MIB2: variants seen among roughly 807,000 people sequenced by gnomAD.
MIB2 encodes the protein E3 ubiquitin-protein ligase MIB2.
In MIB2, 78 loss-of-function variants were observed where a neutral mutation model predicts 96.6. The ratio of observed to expected loss-of-function variants is 0.81; its 90% CI spans 0.67 to 0.97. The LOEUF (loss-of-function observed/expected upper bound fraction) is 0.97. MIB2 is among the 50% of genes least tolerant of loss of function. MIB2 has a pLI of 0.00. For missense variants in MIB2, 1,543 were observed against 1,424.0 expected, an observed-to-expected ratio of 1.08 and a Z score of -1.35; for synonymous variants, 820 against 629.5, an observed-to-expected ratio of 1.30 and a Z score of -4.53.
chr1:1,629,154 G>C lies in MIB2; in HGVS notation c.2224G>C (p.Gly742Arg). 2.7e-6 allele frequency: 4 copies of C among 1,499,332 alleles called. No individual in the cohort carries two copies. Among genetic ancestry groups the C allele is most frequent in the African/African-American group, 1.5e-5 (1 of 68,752 alleles). 92.9% of individuals were successfully genotyped at this position (1,499,332 alleles called of 1,614,324 possible). ...CCAGCTACAGGCCTCGGGCCTCCCC[G>C]GCAGCGCGGAGCTGACGGTGGGCGC... ...LSRLQASGLP[G>R]SAELTVGAAV... The change falls in exon 17 of 20, where the codon GGC becomes CGC. Residue 742 changes from glycine (G) to arginine (R), a missense_variant. Coordinates refer to ENST00000355826, the MANE Select transcript of MIB2 (RefSeq NM_001170687.4).
chr1:1,615,605 C>A lies in MIB2; in HGVS notation c.-158C>A. 1.3e-6 allele frequency: 2 copies of A among 1,567,770 alleles called. No homozygotes were observed. Among genetic ancestry groups the A allele is most frequent in the Non-Finnish European group, 1.7e-6 (2 of 1,161,258 alleles). ...CCCCGAGTCGCTCCTAGGTCACTGG[C>A]GCGATGCGGGCCGTCCTCTCGGCTG... On this transcript the variant is annotated 5_prime_UTR_variant, in exon 1 of 20. Coordinates refer to ENST00000355826, the MANE Select transcript of MIB2 (RefSeq NM_001170687.4).
chr1:1,627,864 C>T, intron 13 of MIB2, 35 bp downstream of exon 13: 1 of 1,596,168 alleles, frequency 6.3e-7, no homozygotes, highest in Non-Finnish European at 8.5e-7. Flanking sequence ...TGCCCCCTGC[C>T]CGTGAGTGCT....
rs375064677 is a variant in MIB2, at chr1:1,625,620, G to A, written c.939G>A (p.Thr313=). Residue 313 remains threonine (T), a synonymous_variant, in exon 8 of 20, where the codon ACG becomes ACA. Transcript: ENST00000355826. This position sits in a 1 kb window ranked among gnomAD's most constrained non-coding sequence, Gnocchi z 5.0. ...GDVRVQFNHE[T]RWTFHPGALT... ...TGCGCGTGCAGTTCAACCACGAGAC[G>A]CGCTGGACCTTCCACCCCGGGGCGC... The A allele has an allele frequency of 6.4e-6, 10 of 1,571,804 alleles. No homozygotes were observed. Among genetic ancestry groups the A allele is most frequent in the Admixed American group, 1.8e-5 (1 of 54,310 alleles).
At position 1,630,476 on chromosome 1, in the gene MIB2, C is replaced by T. The variant is rs374713270; in HGVS notation, c.2814C>T (p.Ser938=). ...GCGCCCCCTGCGGCTCCGCGCTCAG[C>T]GCCTGCCCCATCTGCCGCCAGCCCA... ...GACAPCGSAL[S]ACPICRQPIR... The change falls in exon 20 of 20, where the codon AGC becomes AGT. Residue 938 remains serine (S), a synonymous_variant. Transcript: ENST00000355826. The T allele has an allele frequency of 8.0e-4, 1,279 of 1,593,528 alleles. 1 individual carries two copies. The highest frequency in any genetic ancestry group is 8.6e-4 in the Non-Finnish European group (1,008 of 1,174,370).
chr1:1,616,570 C>A lies in MIB2; in HGVS notation c.-67C>A. On this transcript the variant is annotated 5_prime_UTR_variant, in exon 2 of 20. Coordinates refer to ENST00000355826, the MANE Select transcript of MIB2 (RefSeq NM_001170687.4). ...GTTTCCAGGCATCAGGGCTGCAGCC[C>A]AGGAGCCTCAAGGCGGCCCGGCGGG... 6.2e-7 allele frequency: 1 copy of A among 1,604,012 alleles called. No homozygotes were observed. Among genetic ancestry groups the A allele is most frequent in the Non-Finnish European group, 8.5e-7 (1 of 1,175,672 alleles).
At chr1:1,630,114 C>T (rs988139353) in intron 19 of MIB2, among the ~76,000 whole-genome samples, 178 bp from the exon 20 acceptor site, 3 of 150,532 alleles carry the variant, frequency 2.0e-5, no homozygotes, top group African/African-American at 4.9e-5. Context: ...CACGGCTCAC[C>T]TCCTGCCCGC....
In MIB2 at chr1:1,625,916, G is replaced by A. The variant is rs541023699; in HGVS notation, c.972+263G>A. On this transcript the variant is annotated intron_variant, in intron 8 of 19. Transcript: ENST00000355826. The surrounding 1 kb of genome is among the most constrained non-coding windows in gnomAD (Gnocchi z 5.0). ...GGCCTCCCTCTGTTCCAGGACACCA[G>A]GAAGGCAGGACAGCTTCGTGGGCGG... The A allele has an allele frequency of 1.8e-6, 1 of 548,020 alleles. No individual in the cohort carries two copies. The highest frequency in any genetic ancestry group is 3.2e-5 in the Admixed American group (1 of 31,178). The allele number at this position is 548,020 out of a possible 1,614,324, so 33.9% of individuals were successfully genotyped here.
Position 1,630,439 on chromosome 1 carries a change from G to T in MIB2, c.2777G>T (p.Gly926Val). 1.3e-6 allele frequency: 2 copies of T among 1,589,450 alleles called. No homozygotes were observed. The highest frequency in any genetic ancestry group is 1.7e-6 in the Non-Finnish European group (2 of 1,170,374). ...DSHIRLVFQC[G>V]HGACAPCGSA... Reference sequence around the variant, plus strand: ...CACATCCGCCTCGTGTTCCAGTGCGGCCACGGCGCATGCGCCCCCTGCGGC... The same window carrying T: ...CACATCCGCCTCGTGTTCCAGTGCGTCCACGGCGCATGCGCCCCCTGCGGC... The change falls in exon 20 of 20, where the codon GGC becomes GTC. Residue 926 changes from glycine (G) to valine (V), a missense_variant. Coordinates refer to ENST00000355826, the MANE Select transcript of MIB2 (RefSeq NM_001170687.4).
chr1:1,621,899 G>A (rs1412049991), intron 2 of MIB2, among the ~76,000 whole-genome samples: 1 of 152,262 alleles, frequency 6.6e-6, no homozygotes, highest in Non-Finnish European at 1.5e-5. Flanking sequence ...TTGCTCGGGG[G>A]ACAACCTGTG....
chr1:1,614,250 C>T (rs376454014), upstream of MIB2: 10 of 152,356 alleles, frequency 6.6e-5, no homozygotes, highest in East Asian at 1.3e-3. Flanking sequence ...GGGGAGCTCT[C>T]ATGCAGGAAT....
chr1:1,623,995 C>T (rs770213515), intron 4 of MIB2, 50 bp downstream of exon 4: 5 of 1,555,020 alleles, frequency 3.2e-6, no homozygotes, highest in Non-Finnish European at 3.5e-6. Flanking sequence ...CCAGGCCTTG[C>T]CACTGGGGCC....
chr1:1,627,524 G>A lies in MIB2; in HGVS notation c.1523+80G>A, dbSNP rs1644912501. 12 of 1,500,982 alleles carry A rather than the reference G, an allele frequency of 8.0e-6. No individual in the cohort carries two copies. In the Admixed American group the frequency reaches 2.7e-4, roughly 34 times the overall value. 93.0% of individuals were successfully genotyped at this position (1,500,982 alleles called of 1,614,324 possible). On this transcript the variant is annotated intron_variant, in intron 12 of 19. Transcript: ENST00000355826. ...AGGCCTGGGAGGGGCCCGGCCGGCG[G>A]GGCTGAGCCTGTGCGTCCTGGGGTG...
At chr1:1,615,207 G>A, upstream of MIB2, 3 of 632,126 alleles carry the variant, frequency 4.7e-6, no homozygotes, top group Non-Finnish European at 7.5e-6. Flanking sequence ...CCCCGGATAG[G>A]GCCCGCACTG....
chr1:1,626,225 C>T lies in MIB2; in HGVS notation c.973-425C>T, dbSNP rs1022532321. The T allele has an allele frequency of 9.3e-6, 2 of 215,962 alleles. No homozygotes were observed. Among genetic ancestry groups the T allele is most frequent in the Non-Finnish European group, 9.2e-6 (1 of 108,896 alleles). 13.4% of individuals were successfully genotyped at this position (215,962 alleles called of 1,614,324 possible). A position where few individuals can be genotyped will look rare whatever the true frequency, so the allele number is the denominator to read the frequency against. On this transcript the variant is annotated intron_variant, in intron 8 of 19. Coordinates refer to ENST00000355826, the MANE Select transcript of MIB2 (RefSeq NM_001170687.4). This position sits in a 1 kb window ranked among gnomAD's most constrained non-coding sequence, Gnocchi z 5.3. ...GGAGGCGCCGAAGGGAGTCATGAGA[C>T]GGGCTTGTAGAGTGAGTTCCCTGCA...
chr1:1,616,807 C>A, intron 2 of MIB2, 193 bp downstream of exon 2: 1 of 533,370 alleles, frequency 1.9e-6, no homozygotes, highest in South Asian at 2.3e-5. Flanking sequence ...GCCAGACAGG[C>A]CTCTGATAGG....
intron 19 of MIB2, 29 bp downstream of exon 19, chr1:1,629,733 C>T (rs765753446): frequency 4.5e-6 from 7 of 1,552,632 alleles, no homozygotes; most frequent in South Asian, 1.2e-5. Context: ...CCCCAACACG[C>T]CTCCTGCTCA....
chr1:1,625,942 G>T lies in MIB2; in HGVS notation c.972+289G>T. On this transcript the variant is annotated intron_variant, in intron 8 of 19. Transcript: ENST00000355826. This position sits in a 1 kb window ranked among gnomAD's most constrained non-coding sequence, Gnocchi z 5.0. ...GAAGGCAGGACAGCTTCGTGGGCGG[G>T]AGGGAGGCGGCTGGGCTAAGATGCT... 2.0e-6 allele frequency: 1 copy of T among 512,750 alleles called. No homozygotes were observed. Among genetic ancestry groups the T allele is most frequent in the Non-Finnish European group, 3.5e-6 (1 of 285,142 alleles). 31.8% of individuals were successfully genotyped at this position (512,750 alleles called of 1,614,324 possible).
chr1:1,623,523 G>A lies in MIB2; in HGVS notation c.71G>A (p.Gly24Asp), dbSNP rs1266330523. 6.4e-7 allele frequency: 1 copy of A among 1,554,384 alleles called. No individual in the cohort carries two copies. Among genetic ancestry groups the A allele is most frequent in the East Asian group, 2.4e-5 (1 of 41,760 alleles). ...RVVRGVDWKWGQQDGGEGGVG... is the reference protein window; with the variant it reads ...RVVRGVDWKWDQQDGGEGGVG... ...GTGCGCGGCGTGGACTGGAAGTGGGGCCAGCAGGACGGCGGCGAGGGCGGC... is the reference window on the plus strand; with the variant it reads ...GTGCGCGGCGTGGACTGGAAGTGGGACCAGCAGGACGGCGGCGAGGGCGGC... The change falls in exon 3 of 20, where the codon GGC becomes GAC. Residue 24 changes from glycine to aspartate, a missense_variant. Transcript: ENST00000355826.
chr1:1,630,251 C>T (rs1638631985), intron 19 of MIB2, 41 bp from the exon 20 acceptor site: 3 of 971,616 alleles, frequency 3.1e-6, no homozygotes, highest in Non-Finnish European at 4.2e-6. Context: ...CCGCATTCCC[C>T]CACCCGGCCT....
Sources: gnomAD v4.1 joint callset for allele counts (sites outside exome capture counted in the v4.1 genomes callset) on GRCh38, gnomAD v4.1.1 for gene constraint, Gnocchi (gnomAD v3.1) non-coding constraint, MANE v1.5 for transcripts, NCBI Gene and HGNC (gene_info 2026-07-23, HGNC 2026-07-21) for gene names.